The following GFPT1 variants were observed in gnomAD, a reference collection of about 807,000 sequenced individuals.
The protein encoded by GFPT1 is glutamine--fructose-6-phosphate aminotransferase [isomerizing] 1.
GFPT1 carries 40 observed loss-of-function variants against 92.0 expected under a neutral mutation model. That is an observed-to-expected ratio of 0.43 (90% confidence interval 0.34 to 0.57). GFPT1 has a LOEUF of 0.57. GFPT1 is among the 20% of genes least tolerant of loss of function. The pLI is 0.02. For missense variants in GFPT1, 448 were observed against 869.1 expected (o/e 0.52, Z 6.09); for synonymous variants, 269 against 280.6 (o/e 0.96, Z 0.41).
chr2:69,360,464 C>G (rs974793074), intron 4 of GFPT1, among the ~76,000 whole-genome samples: 1 of 143,248 alleles, frequency 7.0e-6, no homozygotes. Context: ...TTTGGAGACA[C>G]GATGTTGCTC....
chr2:69,328,091 T>C (rs1181726271), intron 18 of GFPT1, among the ~76,000 whole-genome samples, 180 bp downstream of exon 18: 7 of 75,572 alleles, frequency 9.3e-5, no homozygotes, highest in South Asian at 5.5e-4. Context: ...AGAGACTCCA[T>C]CTCAAAAAAA....
At chr2:69,353,295 A>G (rs903587339) in intron 9 of GFPT1, among the ~76,000 whole-genome samples, 1 of 152,104 alleles carries the variant, frequency 6.6e-6, no homozygotes, top group Non-Finnish European at 1.5e-5. Context: ...CCTGTAATTT[A>G]GGAGGTTGAG....
At chr2:69,357,159 C>G (rs1429252709) in intron 6 of GFPT1, among the ~76,000 whole-genome samples, 1 of 152,194 alleles carries the variant, frequency 6.6e-6, no homozygotes, top group African/African-American at 2.4e-5. Flanking sequence ...TATCCTATCT[C>G]CATCATCTAC....
intron 1 of GFPT1, among the ~76,000 whole-genome samples, chr2:69,383,720 G>A (rs889051729): frequency 6.6e-6 from 1 of 152,132 alleles, no homozygotes; most frequent in Non-Finnish European, 1.5e-5. Flanking sequence ...CCACCTCCTG[G>A]GTTCAAGAGA....
At position 69,320,279 on chromosome 2, in the gene GFPT1, G is replaced by C. The variant is rs997900583; in HGVS notation, c.*5910C>G. 1.3e-5 allele frequency: 2 copies of C among 152,150 alleles called. No homozygotes were observed. Among genetic ancestry groups the C allele is most frequent in the African/African-American group, 4.8e-5 (2 of 41,434 alleles). The allele number at this position is 152,150 out of a possible 1,614,324, so 9.4% of individuals were successfully genotyped here. A position where few individuals can be genotyped will look rare whatever the true frequency, so the allele number is the denominator to read the frequency against. On this transcript the variant is annotated 3_prime_UTR_variant, in exon 20 of 20. Coordinates refer to ENST00000357308, the MANE Select transcript of GFPT1 (RefSeq NM_001244710.2). ...TAAGAATGTACTAGTTAAGAACCAA[G>C]GAGTTATACCCAGTTCACAATACTG...
chr2:69,360,699 G>C (rs1235352907), intron 4 of GFPT1, among the ~76,000 whole-genome samples: 2 of 152,026 alleles, frequency 1.3e-5, no homozygotes, highest in Admixed American at 1.3e-4. Flanking sequence ...CCAGTGTCTT[G>C]AGATTACAGA....
rs962930438 is a variant in GFPT1, at chr2:69,354,479, G to C, written c.685+10C>G. ...TATCTACTGCACTGCATTTGTAGAG[G>C]TAATTTTACCTGTTCTGTAGAGTAT... On this transcript the variant is annotated intron_variant, in intron 8 of 19. Coordinates refer to ENST00000357308, the MANE Select transcript of GFPT1 (RefSeq NM_001244710.2). The C allele has an allele frequency of 6.5e-7, 1 of 1,528,840 alleles. No individual in the cohort carries two copies. Among genetic ancestry groups the C allele is most frequent in the Non-Finnish European group, 9.1e-7 (1 of 1,102,564 alleles). 94.7% of individuals were successfully genotyped at this position (1,528,840 alleles called of 1,614,324 possible).
At chr2:69,384,720 G>A (rs1338009300) in intron 1 of GFPT1, among the ~76,000 whole-genome samples, 81 of 112,094 alleles carry the variant, frequency 7.2e-4, no homozygotes, top group Admixed American at 1.0e-3. Flanking sequence ...AAAGAAAAAA[G>A]AAAGAAAGAA....
rs141178861 is a variant in GFPT1, at chr2:69,373,039, G to A, written c.115+967C>T. ...CATGCTGGGCAGAGGGTGCCTATGT[G>A]ACCAACCCCCAATGAAAACCTTAGG... On this transcript the variant is annotated intron_variant, in intron 2 of 19. Coordinates refer to ENST00000357308, the MANE Select transcript of GFPT1 (RefSeq NM_001244710.2). 5.8e-3 allele frequency among the ~76,000 whole-genome samples: 880 copies of A among 152,336 alleles called. 10 individuals are homozygous for A. Among genetic ancestry groups the A allele is most frequent in the African/African-American group, 0.019 (784 of 41,572 alleles).
At chr2:69,330,880 C>T (rs972502821) in intron 15 of GFPT1, among the ~76,000 whole-genome samples, 3 of 152,140 alleles carry the variant, frequency 2.0e-5, no homozygotes, top group Non-Finnish European at 4.4e-5. Flanking sequence ...GATACCCCAT[C>T]TGTTAAATGC....
intron 3 of GFPT1, among the ~76,000 whole-genome samples, chr2:69,368,916 T>G (rs1231273444): frequency 6.6e-6 from 1 of 152,190 alleles, no homozygotes; most frequent in African/African-American, 2.4e-5. Flanking sequence ...TATCTTGCTA[T>G]GCTATCTACT....
chr2:69,343,627 G>A (rs568184388), intron 12 of GFPT1, among the ~76,000 whole-genome samples: 26 of 151,868 alleles, frequency 1.7e-4, no homozygotes, highest in African/African-American at 5.3e-4. Flanking sequence ...GGCTAGGCTC[G>A]TCTCGGACTC....
rs6722492 is a variant in GFPT1, at chr2:69,345,897, T to A, written c.1105+7A>T. ...CTGAAATAATAAAATAATTCATATG[T>A]AATTACCAGTATAGTCATCAAAGTT... On this transcript the variant is annotated splice_region_variant and intron_variant, in intron 12 of 19. Transcript: ENST00000357308. The A allele has an allele frequency of 2.2e-6, 3 of 1,368,270 alleles. No homozygotes were observed. The Admixed American group carries it at 5.0e-5, about 23-fold the overall frequency. 84.8% of individuals were successfully genotyped at this position (1,368,270 alleles called of 1,614,324 possible).
In GFPT1 at chr2:69,337,205, A is replaced by T. The variant is rs533941688; in HGVS notation, c.1482+693T>A. ...TCAGCCTCCCGGGTATGCTGGGATT[A>T]CAGGCACGTGCTACCACACCTGGCT... On this transcript the variant is annotated intron_variant, in intron 15 of 19. Transcript: ENST00000357308. 2.0e-5 allele frequency among the ~76,000 whole-genome samples: 3 copies of T among 151,848 alleles called. No individual in the cohort carries two copies. In the East Asian group the frequency reaches 5.8e-4, roughly 29 times the overall value.
At chr2:69,331,433 T>C (rs1255790630) in intron 15 of GFPT1, among the ~76,000 whole-genome samples, 1 of 152,212 alleles carries the variant, frequency 6.6e-6, no homozygotes, top group East Asian at 1.9e-4. Flanking sequence ...TACTTTGAAG[T>C]CTGAAGTTTG....
At chr2:69,379,758 G>C (rs1362774194) in intron 1 of GFPT1, among the ~76,000 whole-genome samples, 2 of 151,784 alleles carry the variant, frequency 1.3e-5, no homozygotes, top group Non-Finnish European at 2.9e-5. Flanking sequence ...TTTTGCTCTT[G>C]TCGCCAAGGC....
At chr2:69,369,402 T>C (rs965262881) in intron 3 of GFPT1, among the ~76,000 whole-genome samples, 1 of 152,202 alleles carries the variant, frequency 6.6e-6, no homozygotes, top group Non-Finnish European at 1.5e-5. Flanking sequence ...ACTTCAAAGT[T>C]TGCTTTGTTT....
At chr2:69,352,518 CA>C (rs1380070491) in intron 9 of GFPT1, among the ~76,000 whole-genome samples, 1 of 129,638 alleles carries the variant, frequency 7.7e-6, no homozygotes, top group East Asian at 2.5e-4. Context: ...GAGGCTGAGG[CA>C]AGACACTCGC....
At chr2:69,377,553 G>A (rs573436310) in intron 1 of GFPT1, among the ~76,000 whole-genome samples, 4 of 150,838 alleles carry the variant, frequency 2.7e-5, no homozygotes, top group Non-Finnish European at 4.4e-5. Flanking sequence ...TCAGCTACTC[G>A]GGAGGCTGAG....
Sources: allele counts gnomAD v4.1 joint callset (sites outside exome capture counted in the v4.1 genomes callset), GRCh38; gene constraint gnomAD v4.1.1; transcripts MANE v1.5; gene names NCBI Gene and HGNC (gene_info 2026-07-23, HGNC 2026-07-21).